The following MAST4 variants were observed in gnomAD, a reference collection of about 807,000 sequenced individuals.
MAST4 encodes the protein microtubule-associated serine/threonine-protein kinase 4.
In MAST4, 89 loss-of-function variants were observed where a neutral mutation model predicts 162.7. That is an observed-to-expected ratio of 0.55 (90% CI 0.46 to 0.65). The LOEUF (loss-of-function observed/expected upper bound fraction) is 0.65. MAST4 is among the 30% of genes least tolerant of loss of function. MAST4 has a pLI of 0.00. For synonymous variants in MAST4, 1,479 were observed against 1,361.1 expected, an observed-to-expected ratio of 1.09 and a Z score of -1.91; for missense variants, 3,153 against 3,374.0, an observed-to-expected ratio of 0.93 and a Z score of 1.62.
At chr5:67,110,062 C>A in intron 10 of MAST4, 36 bp from the exon 11 acceptor site, 1 of 1,453,364 alleles carries the variant, frequency 6.9e-7, no homozygotes, top group Non-Finnish European at 9.7e-7. Context: ...AATGGAACAA[C>A]TCTGCATCAT....
intron 1 of MAST4, among the ~76,000 whole-genome samples, chr5:66,735,693 T>C (rs745561030): frequency 2.0e-5 from 3 of 152,202 alleles, no homozygotes; most frequent in Admixed American, 6.5e-5. Flanking sequence ...GAGAGAAGTA[T>C]AGGATTTACA....
intron 3 of MAST4, among the ~76,000 whole-genome samples, chr5:66,839,769 TA>T (rs938734554): frequency 6.6e-5 from 10 of 152,184 alleles, no homozygotes; most frequent in African/African-American, 2.4e-4. Flanking sequence ...TGAGTGAATT[TA>T]AAAGAGTGAG....
At chr5:66,713,534 AAAT>A (rs1750627234) in intron 1 of MAST4, among the ~76,000 whole-genome samples, 1 of 152,214 alleles carries the variant, frequency 6.6e-6, no homozygotes, top group South Asian at 2.1e-4. Context: ...TACATTACTC[AAAT>A]AATATTTTAC....
At chr5:67,033,345 G>GTGTGTGT (rs55919358) in intron 4 of MAST4, among the ~76,000 whole-genome samples, 23 of 123,570 alleles carry the variant, frequency 1.9e-4, no homozygotes, top group South Asian at 8.0e-4. Context: ...GTGTGTGTGT[G>GTGTGTGT]GCTTTTTTTT....
Position 67,094,110 on chromosome 5 carries a change from C to CT in MAST4, c.834-1479dup, listed in dbSNP as rs201598167. The CT allele has an allele frequency of 1.4e-3, 1,925 of 1,334,878 alleles. 17 individuals carry two copies. In the African/African-American group the frequency reaches 0.018, roughly 13 times the overall value. 82.7% of individuals were successfully genotyped at this position (1,334,878 alleles called of 1,614,324 possible). A position where few individuals can be genotyped will look rare whatever the true frequency, so the allele number is the denominator to read the frequency against. On this transcript the variant is annotated intron_variant, in intron 6 of 28. Transcript: ENST00000403625. ...TATTTACATACATCTTACTTTGCTT[C>CT]TTTTTTTTAACATACTTGATTCATT... is the stretch of plus-strand genomic sequence containing the variant.
chr5:67,100,575 C>T lies in MAST4; in HGVS notation c.1053C>T (p.Pro351=). The change falls in exon 8 of 29, where the codon CCC becomes CCT. Residue 351 remains proline (P), a synonymous_variant. Coordinates refer to ENST00000403625, the MANE Select transcript of MAST4 (RefSeq NM_001164664.2). ...GATGCAGGAACACGCCGATGCGCCC[C>T]CGTTCCCGAAGTCTGAGGTGTGTGG... is the stretch of plus-strand genomic sequence containing the variant. ...ENRCRNTPMR[P]RSRSLSPGRS... is the part of the protein sequence containing the mutation. 1 of 1,613,914 alleles carries T rather than the reference C, an allele frequency of 6.2e-7. No homozygotes were observed. The highest frequency in any genetic ancestry group is 1.7e-5 in the Admixed American group (1 of 60,022).
intron 4 of MAST4, 80 bp downstream of exon 4, chr5:66,900,062 T>A: frequency 3.1e-6 from 3 of 967,380 alleles, no homozygotes; most frequent in Non-Finnish European, 4.3e-6. Flanking sequence ...GATTCATTAG[T>A]GGCAATTATA....
At chr5:66,628,616 A>G (rs184374990) in intron 1 of MAST4, among the ~76,000 whole-genome samples, 1 of 152,250 alleles carries the variant, frequency 6.6e-6, no homozygotes, top group Non-Finnish European at 1.5e-5. Context: ...TTGCCCCAGC[A>G]AAGGGAAAAT....
At chr5:66,762,521 G>A (rs917929093) in intron 2 of MAST4, among the ~76,000 whole-genome samples, 1 of 152,108 alleles carries the variant, frequency 6.6e-6, no homozygotes, top group Non-Finnish European at 1.5e-5. Context: ...CTTGCTACTT[G>A]GTGTTAGGCA....
chr5:67,124,544 C>A (rs1028987192), intron 14 of MAST4, among the ~76,000 whole-genome samples: 1 of 151,790 alleles, frequency 6.6e-6, no homozygotes, highest in African/African-American at 2.4e-5. Context: ...AGTAATATGC[C>A]CAAAGCAATA....
chr5:66,687,076 G>C (rs995640956), intron 1 of MAST4, among the ~76,000 whole-genome samples: 1 of 152,040 alleles, frequency 6.6e-6, no homozygotes, highest in African/African-American at 2.4e-5. Flanking sequence ...ATTTCTAGCA[G>C]CTTTTTTTTG....
chr5:66,945,018 A>G (rs1256620429), intron 4 of MAST4, among the ~76,000 whole-genome samples: 6 of 152,112 alleles, frequency 3.9e-5, no homozygotes, highest in African/African-American at 1.4e-4. Context: ...GACCGTGGGG[A>G]TTATACAGAG....
At chr5:66,872,901 T>G (rs1310751745) in intron 3 of MAST4, among the ~76,000 whole-genome samples, 6 of 152,164 alleles carry the variant, frequency 3.9e-5, no homozygotes, top group African/African-American at 1.4e-4. Context: ...TTCCCCCTCT[T>G]TCTTTTGTCC....
chr5:66,690,549 A>G (rs1748974886), intron 1 of MAST4, among the ~76,000 whole-genome samples: 1 of 152,224 alleles, frequency 6.6e-6, no homozygotes, highest in Non-Finnish European at 1.5e-5. Context: ...TTCAAATACA[A>G]GAATGTTCTG....
At chr5:66,722,053 C>T (rs1751244332) in intron 1 of MAST4, among the ~76,000 whole-genome samples, 2 of 152,004 alleles carry the variant, frequency 1.3e-5, no homozygotes, top group South Asian at 4.1e-4. Context: ...CCATCCCTGC[C>T]CTCTGCCACC....
intron 4 of MAST4, among the ~76,000 whole-genome samples, chr5:66,923,658 T>G (rs1764693211): frequency 1.3e-5 from 2 of 152,218 alleles, no homozygotes; most frequent in Admixed American, 1.3e-4. Flanking sequence ...AACTCATGCT[T>G]CTTCTCAGTA....
intron 7 of MAST4, 119 bp from the exon 8 acceptor site, chr5:67,100,316 C>A: frequency 8.5e-6 from 8 of 944,164 alleles, no homozygotes; most frequent in Non-Finnish European, 4.7e-6. Flanking sequence ...ATAACTTTAA[C>A]ATGAAAAAGA....
rs1449853250 is a variant in MAST4 at position 66,634,145 on chromosome 5, C to T, written c.363+37127C>T. On this transcript the variant is annotated intron_variant, in intron 1 of 28. Transcript: ENST00000403625. ...TGCAATCTTGGCTCACCGCAACCTC[C>T]ACCTCCTGGGTTCAAGCGATTCTCC... Among the ~76,000 whole-genome samples, 7 of 151,682 alleles carry T rather than the reference C, an allele frequency of 4.6e-5. No individual in the cohort carries two copies. The South Asian group carries it at 1.3e-3, about 27-fold the overall frequency.
chr5:67,010,790 C>G (rs754400345), intron 4 of MAST4, among the ~76,000 whole-genome samples: 1 of 152,140 alleles, frequency 6.6e-6, no homozygotes, highest in African/African-American at 2.4e-5. Context: ...GTGTGTGTTG[C>G]ATCTGGCAAC....
Sources: allele counts gnomAD v4.1 joint callset (sites outside exome capture counted in the v4.1 genomes callset), GRCh38; gene constraint gnomAD v4.1.1; transcripts MANE v1.5; gene names NCBI Gene and HGNC (gene_info 2026-07-23, HGNC 2026-07-21).